Variants in IL1RAPL2 observed in about 807,000 individuals in gnomAD.
IL1RAPL2 encodes the protein interleukin 1 receptor accessory protein like 2.
IL1RAPL2 carries 3 observed loss-of-function variants against 44.1 expected under a neutral mutation model. That is an observed-to-expected ratio of 0.07 (90% CI 0.03 to 0.18). IL1RAPL2 has a LOEUF of 0.18. Ranked by LOEUF, IL1RAPL2 falls within the 10% of genes least tolerant of loss-of-function variation. The pLI, the probability that IL1RAPL2 is intolerant of heterozygous loss-of-function variation, is 1.00. For missense variants in IL1RAPL2, 391 were observed against 496.4 expected (o/e 0.79, Z 2.02); for synonymous variants, 181 against 178.8 (o/e 1.01, Z -0.10).
At chrX:105,218,874 ACCCCGG>A in intron 3 of IL1RAPL2, 2 of 628,392 alleles carry the variant, frequency 3.2e-6, no homozygotes, top group Non-Finnish European at 4.6e-6. Context: ...TTCCCCTACC[ACCCCGG>A]CCCCCGCCAC....
At chrX:104,872,699 A>G (rs1922798467) in intron 2 of IL1RAPL2, among the ~76,000 whole-genome samples, 1 of 111,660 alleles carries the variant, frequency 9.0e-6, no homozygotes, top group Non-Finnish European at 1.9e-5. Flanking sequence ...TTTGAGTTGT[A>G]GAAACTACAG....
intron 4 of IL1RAPL2, among the ~76,000 whole-genome samples, chrX:105,263,448 C>T (rs988078742): frequency 2.7e-5 from 3 of 111,680 alleles, no homozygotes; most frequent in African/African-American, 9.8e-5. Flanking sequence ...GTAACCACAA[C>T]CACCAAATCA....
intron 2 of IL1RAPL2, among the ~76,000 whole-genome samples, chrX:104,665,914 C>G (rs1208688987): frequency 9.0e-6 from 1 of 111,240 alleles, no homozygotes; most frequent in Non-Finnish European, 1.9e-5. Context: ...GGCTAGATTC[C>G]TAGAAGTGGA....
intron 6 of IL1RAPL2, among the ~76,000 whole-genome samples, chrX:105,593,466 T>A (rs1489404518): frequency 8.9e-6 from 1 of 112,083 alleles, no homozygotes; most frequent in Admixed American, 9.5e-5. Context: ...GAAGCATTGC[T>A]GAGGAAGTTG....
chrX:104,898,420 T>G lies in IL1RAPL2; in HGVS notation c.82+239425T>G, dbSNP rs912606141. Among the ~76,000 whole-genome samples, 22 of 112,497 alleles carry G rather than the reference T, an allele frequency of 2.0e-4. 1 individual carries two copies. The highest frequency in any genetic ancestry group is 9.4e-5 in the Non-Finnish European group (5 of 53,268). ...GTATATTAGTATTCACAGTTGCAAG[T>G]GACACCAAGCTAAATTGAATTTAAA... On this transcript the variant is annotated intron_variant, in intron 2 of 10. Coordinates refer to ENST00000372582, the MANE Select transcript of IL1RAPL2 (RefSeq NM_017416.2).
intron 2 of IL1RAPL2, among the ~76,000 whole-genome samples, chrX:104,898,374 A>T (rs972620565): frequency 8.9e-6 from 1 of 112,627 alleles, no homozygotes; most frequent in African/African-American, 3.2e-5. Context: ...AGCATGCTCA[A>T]TGAGAGACAA....
chrX:104,848,673 G>T lies in IL1RAPL2; in HGVS notation c.82+189678G>T, dbSNP rs969679854. ...TATTAATTAGAATTTTTAACTTTTA[G>T]TAACCTTAATTTTTAGTGATAATCT... On this transcript the variant is annotated intron_variant, in intron 2 of 10. Transcript: ENST00000372582. 3.7e-5 allele frequency among the ~76,000 whole-genome samples: 4 copies of T among 107,819 alleles called. No homozygotes were observed. In the Admixed American group the frequency reaches 4.0e-4, roughly 11 times the overall value. The allele number at this position is 107,819 out of a possible 115,157, so 93.6% of individuals were successfully genotyped here.
At chrX:104,663,162 G>A (rs1930432423) in intron 2 of IL1RAPL2, among the ~76,000 whole-genome samples, 1 of 111,489 alleles carries the variant, frequency 9.0e-6, no homozygotes, top group Admixed American at 9.6e-5. Flanking sequence ...TTTTCTGATT[G>A]TTGATGAGGA....
intron 2 of IL1RAPL2, among the ~76,000 whole-genome samples, chrX:105,162,264 A>G (rs2033332639): frequency 8.9e-6 from 1 of 112,219 alleles, no homozygotes; most frequent in Non-Finnish European, 1.9e-5. Context: ...GCTGTGAGGA[A>G]GAAAACAAAA....
chrX:104,627,826 A>G lies in IL1RAPL2; in HGVS notation c.-19-31069A>G, dbSNP rs1263774571. Among the ~76,000 whole-genome samples, 5 of 111,227 alleles carry G rather than the reference A, an allele frequency of 4.5e-5. No individual in the cohort carries two copies. The South Asian group carries it at 1.9e-3, about 43-fold the overall frequency. ...AGACTCTGGGTTGAACGTGACCAGT[A>G]ATTGCTCAACCTGCCTGGTATGTCT... On this transcript the variant is annotated intron_variant, in intron 1 of 10. Transcript: ENST00000372582.
At chrX:104,959,762 T>C (rs960863480) in intron 2 of IL1RAPL2, among the ~76,000 whole-genome samples, 3 of 110,924 alleles carry the variant, frequency 2.7e-5, no homozygotes, top group Non-Finnish European at 5.7e-5. Context: ...TGACAAAACA[T>C]TGGGCAATCC....
chrX:105,012,845 C>T (rs1173566520), intron 2 of IL1RAPL2, among the ~76,000 whole-genome samples: 1 of 110,143 alleles, frequency 9.1e-6, no homozygotes, highest in Non-Finnish European at 1.9e-5. Context: ...TAATCATTTC[C>T]CTACCCACAT....
chrX:104,948,732 G>T (rs1255181430), intron 2 of IL1RAPL2, among the ~76,000 whole-genome samples: 1 of 110,362 alleles, frequency 9.1e-6, no homozygotes, highest in Admixed American at 9.7e-5. Flanking sequence ...ATTGATTTGT[G>T]TATGTTGAAC....
At chrX:105,625,280 G>A (rs945258360) in intron 6 of IL1RAPL2, among the ~76,000 whole-genome samples, 2 of 111,943 alleles carry the variant, frequency 1.8e-5, no homozygotes, top group African/African-American at 3.2e-5. Flanking sequence ...TTTGTGCCAC[G>A]TTCTGTGCTA....
intron 2 of IL1RAPL2, among the ~76,000 whole-genome samples, chrX:104,855,143 A>G (rs749274171): frequency 1.8e-5 from 2 of 112,117 alleles, no homozygotes; most frequent in East Asian, 5.6e-4. Context: ...CTAGCTAGCT[A>G]AAGGACTGAC....
Position 105,144,016 on chromosome X carries a change from TA to T in IL1RAPL2, c.83-51449del, listed in dbSNP as rs761101214. Reference sequence around the variant, plus strand: ...AAACAAAACAAAACAATAAACAAAATAAAAAAAAAATACTTAGGTCTCCTAG... The same window carrying T: ...AAACAAAACAAAACAATAAACAAAATAAAAAAAAATACTTAGGTCTCCTAG... On this transcript the variant is annotated intron_variant, in intron 2 of 10. Transcript: ENST00000372582. 2.1e-3 allele frequency among the ~76,000 whole-genome samples: 204 copies of T among 98,580 alleles called. 1 individual carries two copies. The highest frequency in any genetic ancestry group is 3.7e-3 in the South Asian group (8 of 2,180). The allele number at this position is 98,580 out of a possible 115,157, so 85.6% of individuals were successfully genotyped here.
chrX:104,762,991 A>C (rs1295393407), intron 2 of IL1RAPL2, among the ~76,000 whole-genome samples: 1 of 112,444 alleles, frequency 8.9e-6, no homozygotes, highest in Non-Finnish European at 1.9e-5. Context: ...GCTTCTTGTT[A>C]CTTATGCAAA....
chrX:105,206,355 G>A (rs1440820004), intron 3 of IL1RAPL2, among the ~76,000 whole-genome samples: 1 of 111,560 alleles, frequency 9.0e-6, no homozygotes, highest in Non-Finnish European at 1.9e-5. Flanking sequence ...TGATAAAACT[G>A]ATACTTAGAG....
intron 6 of IL1RAPL2, among the ~76,000 whole-genome samples, chrX:105,686,865 C>T (rs1230581876): frequency 8.9e-6 from 1 of 112,063 alleles, no homozygotes; most frequent in Non-Finnish European, 1.9e-5. Flanking sequence ...GAAATCACAA[C>T]AAACAGTCTC....
Sources: allele counts gnomAD v4.1 joint callset (sites outside exome capture counted in the v4.1 genomes callset), GRCh38; gene constraint gnomAD v4.1.1; transcripts MANE v1.5; gene names NCBI Gene and HGNC (gene_info 2026-07-23, HGNC 2026-07-21).